PRIMA1: variants seen among roughly 807,000 people sequenced by gnomAD.
The protein encoded by PRIMA1 is proline rich membrane anchor 1.
PRIMA1 carries 7 observed loss-of-function variants against 17.5 expected under a neutral mutation model. The ratio of observed to expected loss-of-function variants is 0.40; its 90% CI spans 0.23 to 0.75. The LOEUF (loss-of-function observed/expected upper bound fraction) is 0.75. Ranked by LOEUF, PRIMA1 falls within the 30% of genes least tolerant of loss-of-function variation. PRIMA1 has a pLI of 0.37. For missense variants in PRIMA1, 200 were observed against 201.8 expected (o/e 0.99, Z 0.05); for synonymous variants, 97 against 77.9 (o/e 1.25, Z -1.29).
intron 3 of PRIMA1, among the ~76,000 whole-genome samples, chr14:93,761,201 A>G (rs1367984415): frequency 2.0e-5 from 3 of 152,114 alleles, no homozygotes; most frequent in Non-Finnish European, 2.9e-5. Context: ...CAAAAAAAAA[A>G]TTAGCTGGGC....
chr14:93,741,517 C>T (rs1372064493), intron 3 of PRIMA1, among the ~76,000 whole-genome samples: 4 of 152,220 alleles, frequency 2.6e-5, no homozygotes, highest in Non-Finnish European at 4.4e-5. Flanking sequence ...TGAGCACCCT[C>T]GGTGCCTGGC....
intron 3 of PRIMA1, among the ~76,000 whole-genome samples, chr14:93,774,403 G>A (rs7152672): frequency 0.39 from 58,545 of 152,064 alleles, 11,497 homozygotes; most frequent in Middle Eastern, 0.53. Context: ...CCCTGCAAAC[G>A]TTCCTGGTCA....
intron 2 of PRIMA1, among the ~76,000 whole-genome samples, chr14:93,784,371 T>C (rs780394587): frequency 3.3e-5 from 5 of 152,188 alleles, no homozygotes; most frequent in Non-Finnish European, 7.3e-5. Context: ...TTTTGCTGTG[T>C]TGTCCAGGCT....
intron 3 of PRIMA1, among the ~76,000 whole-genome samples, chr14:93,760,976 T>A (rs1884707218): frequency 6.6e-6 from 1 of 152,024 alleles, no homozygotes; most frequent in African/African-American, 2.4e-5. Flanking sequence ...CCAGTGATTG[T>A]CTTAAGAAGC....
chr14:93,728,326 G>A (rs776002538), intron 4 of PRIMA1, among the ~76,000 whole-genome samples: 4 of 152,218 alleles, frequency 2.6e-5, no homozygotes, highest in African/African-American at 4.8e-5. Flanking sequence ...AGAACCAGGC[G>A]TCGAGGGAGA....
At chr14:93,758,134 G>A (rs2076303657) in intron 3 of PRIMA1, among the ~76,000 whole-genome samples, 1 of 152,098 alleles carries the variant, frequency 6.6e-6, no homozygotes, top group South Asian at 2.1e-4. Context: ...CTTCCTCCTG[G>A]GTACACCCCT....
At chr14:93,728,199 C>T (rs899888622) in intron 4 of PRIMA1, among the ~76,000 whole-genome samples, 3 of 152,216 alleles carry the variant, frequency 2.0e-5, no homozygotes, top group South Asian at 2.1e-4. Context: ...GTGCACACAA[C>T]GGACTCATAT....
At chr14:93,748,786 C>T (rs1289158777) in intron 3 of PRIMA1, among the ~76,000 whole-genome samples, 3 of 152,130 alleles carry the variant, frequency 2.0e-5, no homozygotes, top group South Asian at 2.1e-4. Flanking sequence ...TTCTCAGGCT[C>T]GGCTCCTGAG....
At chr14:93,771,551 C>T (rs1276154846) in intron 3 of PRIMA1, among the ~76,000 whole-genome samples, 1 of 152,176 alleles carries the variant, frequency 6.6e-6, no homozygotes, top group Non-Finnish European at 1.5e-5. Flanking sequence ...ACTATCGGTG[C>T]ATGAAAGACC....
chr14:93,744,556 G>A (rs74076326), intron 3 of PRIMA1, among the ~76,000 whole-genome samples: 2,444 of 152,302 alleles, frequency 0.016, 69 homozygotes, highest in African/African-American at 0.056. Context: ...ATCAGACCTC[G>A]ATGCCTTGGC....
In PRIMA1 at chr14:93,726,533, T is replaced by C. The variant is rs1362749979; in HGVS notation, c.360-4987A>G. ...CGTAACACACACAGGCACGTACACA[T>C]AGACACATGTACACATGCACAAATC... On this transcript the variant is annotated intron_variant, in intron 4 of 4. Transcript: ENST00000393140. The surrounding 1 kb of genome is among the most constrained non-coding windows in gnomAD (Gnocchi z 4.2). Among the ~76,000 whole-genome samples the C allele has an allele frequency of 1.3e-5, 2 of 149,672 alleles. No individual in the cohort carries two copies. The highest frequency in any genetic ancestry group is 2.2e-4 in the South Asian group (1 of 4,578).
chr14:93,757,772 A>G (rs1035762182), intron 3 of PRIMA1, among the ~76,000 whole-genome samples: 10 of 152,176 alleles, frequency 6.6e-5, no homozygotes, highest in African/African-American at 2.4e-4. Flanking sequence ...AAATATTTTA[A>G]AATCTCAAAA....
At chr14:93,736,074 C>T (rs1484154172) in intron 4 of PRIMA1, among the ~76,000 whole-genome samples, 6 of 152,196 alleles carry the variant, frequency 3.9e-5, no homozygotes, top group African/African-American at 1.4e-4. Context: ...TCCTTCTGGC[C>T]TCAAAGAAGC....
rs564225834 is a variant in PRIMA1 at position 93,770,136 on chromosome 14, C to T, written c.229+9040G>A. 6.4e-4 allele frequency among the ~76,000 whole-genome samples: 98 copies of T among 152,284 alleles called. 4 individuals are homozygous for T. In the South Asian group the frequency reaches 0.019, roughly 30 times the overall value. ...ACCAGGGCGTGACACCTCCTCTTGC[C>T]TCCACCCCGGGTCCAGCCCACCACC... On this transcript the variant is annotated intron_variant, in intron 3 of 4. Coordinates refer to ENST00000393140, the MANE Select transcript of PRIMA1 (RefSeq NM_178013.4).
intron 3 of PRIMA1, among the ~76,000 whole-genome samples, chr14:93,745,989 T>C (rs1354155583): frequency 6.6e-6 from 1 of 152,148 alleles, no homozygotes; most frequent in Non-Finnish European, 1.5e-5. Flanking sequence ...CCTCCGCCGC[T>C]GCCCCCATCC....
intron 3 of PRIMA1, among the ~76,000 whole-genome samples, chr14:93,777,006 AG>A (rs1885238040): frequency 6.6e-6 from 1 of 152,244 alleles, no homozygotes; most frequent in Non-Finnish European, 1.5e-5. Flanking sequence ...CATTTAGAGT[AG>A]TTTTGTAAAG....
chr14:93,756,916 G>T (rs1398481689), intron 3 of PRIMA1, among the ~76,000 whole-genome samples: 1 of 152,146 alleles, frequency 6.6e-6, no homozygotes. Flanking sequence ...CAGTCTCTCT[G>T]CCTGCCCTCC....
chr14:93,774,468 T>G (rs1365426552), intron 3 of PRIMA1, among the ~76,000 whole-genome samples: 1 of 152,230 alleles, frequency 6.6e-6, no homozygotes, highest in Non-Finnish European at 1.5e-5. Flanking sequence ...CTCTCTCCCC[T>G]CTTTCTCCCT....
chr14:93,777,809 A>C (rs1041329421), intron 3 of PRIMA1, among the ~76,000 whole-genome samples: 2 of 152,244 alleles, frequency 1.3e-5, no homozygotes, highest in South Asian at 2.1e-4. Flanking sequence ...CCAGAGGGCC[A>C]GGACGGTCCT....
Sources: gnomAD v4.1 joint callset for allele counts (sites outside exome capture counted in the v4.1 genomes callset) on GRCh38, gnomAD v4.1.1 for gene constraint, Gnocchi (gnomAD v3.1) non-coding constraint, MANE v1.5 for transcripts, NCBI Gene and HGNC (gene_info 2026-07-23, HGNC 2026-07-21) for gene names.